Variants in SPOCK3 observed in about 807,000 individuals in gnomAD.
The protein encoded by SPOCK3 is SPARC (osteonectin), cwcv and kazal like domains proteoglycan 3, also known as testican-3.
SPOCK3 carries 30 observed loss-of-function variants against 56.6 expected under a neutral mutation model. The ratio of observed to expected loss-of-function variants is 0.53; its 90% CI spans 0.40 to 0.72. SPOCK3 has a LOEUF of 0.72. Among genes scored for constraint, SPOCK3 ranks in the 30% least tolerant of loss-of-function variants. The probability of loss-of-function intolerance (pLI) is 0.00; values close to 1 mark genes in which losing one functional copy is unlikely to be tolerated. For missense variants in SPOCK3, 527 were observed against 530.0 expected, an observed-to-expected ratio of 0.99 and a Z score of 0.06; for synonymous variants, 196 against 183.3, an observed-to-expected ratio of 1.07 and a Z score of -0.56.
At chr4:167,075,376 G>T (rs888963317) in intron 2 of SPOCK3, among the ~76,000 whole-genome samples, 2 of 151,838 alleles carry the variant, frequency 1.3e-5, no homozygotes, top group African/African-American at 2.4e-5. Flanking sequence ...TCCTACTCGG[G>T]TTACAGAGCA....
intron 6 of SPOCK3, among the ~76,000 whole-genome samples, chr4:166,870,564 C>G (rs2126943312): frequency 6.6e-6 from 1 of 151,842 alleles, no homozygotes; most frequent in African/African-American, 2.4e-5. Flanking sequence ...GTTGAAAAAG[C>G]CCTAAATATT....
rs960554700 is a variant in SPOCK3 at position 167,097,363 on chromosome 4, G to A, written c.190-34826C>T. ...TTGGTATATCAGTAAATCTTCTCTA[G>A]TATCTTCATTTTTTTTTCTCTTTTC... On this transcript the variant is annotated intron_variant, in intron 2 of 10. Coordinates refer to ENST00000357545, the MANE Select transcript of SPOCK3 (RefSeq NM_001040159.2). Among the ~76,000 whole-genome samples the A allele has an allele frequency of 3.3e-5, 5 of 151,278 alleles. 1 individual carries two copies. Among genetic ancestry groups the A allele is most frequent in the East Asian group, 3.9e-4 (2 of 5,160 alleles).
chr4:167,007,472 C>T (rs1749580417), intron 3 of SPOCK3, among the ~76,000 whole-genome samples: 1 of 151,404 alleles, frequency 6.6e-6, no homozygotes, highest in Non-Finnish European at 1.5e-5. Context: ...ATTTTTGGTC[C>T]GTGGCTGCTT....
intron 2 of SPOCK3, among the ~76,000 whole-genome samples, chr4:167,129,523 T>C (rs1029565323): frequency 3.9e-5 from 6 of 152,252 alleles, no homozygotes; most frequent in African/African-American, 7.2e-5. Flanking sequence ...CTTTCTTGTA[T>C]ACTTTTGGTC....
intron 3 of SPOCK3, among the ~76,000 whole-genome samples, chr4:167,055,380 A>G (rs962041091): frequency 5.9e-5 from 9 of 152,218 alleles, no homozygotes; most frequent in South Asian, 2.1e-4. Flanking sequence ...GCAACGCAGA[A>G]GATGGGTGAT....
rs1734501720 is a variant in SPOCK3 at position 166,889,166 on chromosome 4, C to T, written c.553G>A (p.Asp185Asn). 6.2e-7 allele frequency: 1 copy of T among 1,611,444 alleles called. No individual in the cohort carries two copies. Among genetic ancestry groups the T allele is most frequent in the African/African-American group, 1.3e-5 (1 of 74,738 alleles). Reference sequence around the variant, plus strand: ...TTTCTGCTTGTACTGGTGGGCTTATCTGAAGGACATGGGCAATGTCCTTCA... The same window carrying T: ...TTTCTGCTTGTACTGGTGGGCTTATTTGAAGGACATGGGCAATGTCCTTCA... ...KCEGHCPCPS[D>N]KPTSTSRNVK... Residue 185 changes from aspartate (D) to asparagine (N), a missense_variant, in exon 6 of 11, where the codon GAT becomes AAT. Physicochemically the swap from Asp to Asn is conservative, Grantham distance 23 (BLOSUM62 1). Transcript: ENST00000357545.
intron 2 of SPOCK3, among the ~76,000 whole-genome samples, chr4:167,137,813 A>G (rs1763242092): frequency 6.6e-6 from 1 of 151,852 alleles, no homozygotes; most frequent in South Asian, 2.1e-4. Flanking sequence ...TACATTTTAA[A>G]ATATGCCTAA....
chr4:166,925,663 C>T (rs1043331058), intron 4 of SPOCK3, among the ~76,000 whole-genome samples: 22 of 149,340 alleles, frequency 1.5e-4, no homozygotes. Flanking sequence ...TCAATTCAAC[C>T]ACTCCAAGGT....
chr4:167,231,894 T>C (rs771156640), intron 2 of SPOCK3, among the ~76,000 whole-genome samples: 15 of 152,152 alleles, frequency 9.9e-5, no homozygotes, highest in Non-Finnish European at 1.9e-4. Context: ...AAAATGGTAA[T>C]ACTAAAACCT....
intron 6 of SPOCK3, among the ~76,000 whole-genome samples, chr4:166,826,252 G>A (rs1745464883): frequency 6.6e-6 from 1 of 152,040 alleles, no homozygotes; most frequent in Non-Finnish European, 1.5e-5. Context: ...TTTGTACTGT[G>A]TGTTATCGTA....
intron 2 of SPOCK3, among the ~76,000 whole-genome samples, chr4:167,132,652 C>T (rs1762792737): frequency 6.6e-6 from 1 of 152,094 alleles, no homozygotes; most frequent in Admixed American, 6.5e-5. Context: ...GTAGTGGAGG[C>T]CAGAAGCCAC....
At chr4:167,207,092 T>C (rs556252766) in intron 2 of SPOCK3, among the ~76,000 whole-genome samples, 29 of 152,218 alleles carry the variant, frequency 1.9e-4, no homozygotes, top group African/African-American at 6.5e-4. Context: ...GTGTCAACTA[T>C]AAAAATTAAA....
intron 4 of SPOCK3, among the ~76,000 whole-genome samples, chr4:166,944,502 C>T (rs1004099785): frequency 6.6e-6 from 1 of 152,034 alleles, no homozygotes; most frequent in African/African-American, 2.4e-5. Context: ...TTAATGACCC[C>T]TTTAGCCTGA....
intron 2 of SPOCK3, among the ~76,000 whole-genome samples, chr4:167,207,925 C>T (rs72701408): frequency 0.026 from 3,940 of 152,080 alleles, 74 homozygotes; most frequent in Admixed American, 0.069. Context: ...AGAATTGAGC[C>T]GCAATGCTTT....
At chr4:167,217,261 T>C (rs966411833) in intron 2 of SPOCK3, among the ~76,000 whole-genome samples, 1 of 152,072 alleles carries the variant, frequency 6.6e-6, no homozygotes, top group African/African-American at 2.4e-5. Flanking sequence ...TCTGTATCCA[T>C]GAATTTCACG....
At position 167,188,223 on chromosome 4, in the gene SPOCK3, A is replaced by C. The variant is rs1166636376; in HGVS notation, c.189+45762T>G. ...GCCCGCTGTATTGATTATGACTCCCACACCAAAGACCTGACGAGAAAGAGA... is the reference window on the plus strand; with the variant it reads ...GCCCGCTGTATTGATTATGACTCCCCCACCAAAGACCTGACGAGAAAGAGA... On this transcript the variant is annotated intron_variant, in intron 2 of 10. Transcript: ENST00000357545. Among the ~76,000 whole-genome samples, 2 of 146,130 alleles carry C rather than the reference A, an allele frequency of 1.4e-5. 1 individual carries two copies. The highest frequency in any genetic ancestry group is 1.4e-4 in the Admixed American group (2 of 14,250).
At chr4:167,001,284 T>C (rs1232608994) in intron 3 of SPOCK3, among the ~76,000 whole-genome samples, 1 of 152,056 alleles carries the variant, frequency 6.6e-6, no homozygotes, top group Admixed American at 6.6e-5. Flanking sequence ...CATCCCCTAT[T>C]CCCTCTCCCC....
At chr4:166,886,429 A>G (rs185567480) in intron 6 of SPOCK3, among the ~76,000 whole-genome samples, 1 of 152,154 alleles carries the variant, frequency 6.6e-6, no homozygotes, top group African/African-American at 2.4e-5. Flanking sequence ...TTATCTACTT[A>G]TGTAAAGTCA....
At chr4:167,064,051 G>A (rs1755862623) in intron 2 of SPOCK3, among the ~76,000 whole-genome samples, 1 of 151,688 alleles carries the variant, frequency 6.6e-6, no homozygotes, top group Non-Finnish European at 1.5e-5. Context: ...TGTCTCCACT[G>A]TATAAGGAAG....
Sources: allele counts gnomAD v4.1 joint callset (sites outside exome capture counted in the v4.1 genomes callset), GRCh38; gene constraint gnomAD v4.1.1; transcripts MANE v1.5; gene names NCBI Gene and HGNC (gene_info 2026-07-23, HGNC 2026-07-21).